Variants in CFAP299 observed in about 807,000 individuals in gnomAD.
CFAP299 encodes cilia- and flagella-associated protein 299.
CFAP299 carries 21 observed loss-of-function variants against 27.0 expected under a neutral mutation model. That is an observed-to-expected ratio of 0.78 (90% confidence interval 0.55 to 1.12). The LOEUF (loss-of-function observed/expected upper bound fraction) is 1.12, where lower values mean the gene tolerates loss of function less well. Among genes scored for constraint, CFAP299 ranks in the 50% most tolerant of loss-of-function variants. The pLI is 0.00. For synonymous variants in CFAP299, 104 were observed against 98.1 expected (o/e 1.06, Z -0.36); for missense variants, 310 against 276.6 (o/e 1.12, Z -0.86).
At chr4:80,756,378 A>G (rs1725240979) in intron 3 of CFAP299, among the ~76,000 whole-genome samples, 1 of 152,278 alleles carries the variant, frequency 6.6e-6, no homozygotes, top group African/African-American at 2.4e-5. Flanking sequence ...GCCACCATCA[A>G]TGAACTTGAA....
At chr4:80,821,751 T>C (rs1187748864) in intron 3 of CFAP299, among the ~76,000 whole-genome samples, 2 of 152,138 alleles carry the variant, frequency 1.3e-5, no homozygotes, top group East Asian at 1.9e-4. Context: ...GGCCTCCCTG[T>C]ACACAGCACA....
chr4:80,513,232 T>C (rs1322728709), intron 2 of CFAP299, among the ~76,000 whole-genome samples: 2 of 152,120 alleles, frequency 1.3e-5, no homozygotes, highest in Non-Finnish European at 2.9e-5. Context: ...GGAATTTCCA[T>C]ATTAAGTGTT....
At chr4:80,613,182 A>G (rs1375324752) in intron 3 of CFAP299, among the ~76,000 whole-genome samples, 2 of 152,104 alleles carry the variant, frequency 1.3e-5, no homozygotes, top group African/African-American at 4.8e-5. Flanking sequence ...CTCAGTGGTA[A>G]ATGTCATAAG....
At chr4:80,799,848 A>G (rs1353063694) in intron 3 of CFAP299, among the ~76,000 whole-genome samples, 2 of 27,578 alleles carry the variant, frequency 7.3e-5, no homozygotes, top group South Asian at 1.3e-3. Context: ...TATATTATAT[A>G]ATATATAAAT....
intron 3 of CFAP299, among the ~76,000 whole-genome samples, chr4:80,712,417 G>A (rs368573546): frequency 7.2e-5 from 11 of 152,282 alleles, no homozygotes; most frequent in African/African-American, 2.6e-4. Context: ...CAGGTTGTAT[G>A]TGATAACATA....
intron 2 of CFAP299, among the ~76,000 whole-genome samples, chr4:80,454,579 G>A (rs904562150): frequency 2.0e-5 from 3 of 152,164 alleles, no homozygotes; most frequent in Non-Finnish European, 4.4e-5. Context: ...TCCTAAATAT[G>A]TAAAGATAAC....
intron 4 of CFAP299, among the ~76,000 whole-genome samples, chr4:80,909,832 A>AT (rs1269497661): frequency 6.6e-6 from 1 of 152,118 alleles, no homozygotes; most frequent in Non-Finnish European, 1.5e-5. Context: ...AAATTTCAGT[A>AT]TTTTTCTGAA....
At chr4:80,393,077 A>G (rs1725578387) in intron 2 of CFAP299, among the ~76,000 whole-genome samples, 1 of 152,176 alleles carries the variant, frequency 6.6e-6, no homozygotes, top group Non-Finnish European at 1.5e-5. Context: ...GACCCTGTGT[A>G]GGCTTAGGCT....
chr4:80,533,936 A>G (rs1323833519), intron 2 of CFAP299, among the ~76,000 whole-genome samples: 1 of 152,142 alleles, frequency 6.6e-6, no homozygotes, highest in East Asian at 1.9e-4. Flanking sequence ...ATAGGTTCAT[A>G]ATATTATGTA....
intron 3 of CFAP299, among the ~76,000 whole-genome samples, chr4:80,769,938 A>G (rs1726114931): frequency 6.6e-6 from 1 of 152,182 alleles, no homozygotes; most frequent in Non-Finnish European, 1.5e-5. Context: ...TAGGCCTGGG[A>G]ATTAATCTCT....
chr4:80,363,913 C>A (rs917566776), intron 2 of CFAP299, among the ~76,000 whole-genome samples: 2 of 151,894 alleles, frequency 1.3e-5, no homozygotes, highest in African/African-American at 2.4e-5. Context: ...ACAGCAAAAC[C>A]CTGTCTCTAC....
intron 3 of CFAP299, among the ~76,000 whole-genome samples, chr4:80,726,139 C>T (rs1323689136): frequency 2.6e-5 from 4 of 151,906 alleles, no homozygotes; most frequent in African/African-American, 7.3e-5. Context: ...TCTCATTGCC[C>T]TTATGAGTTT....
At chr4:80,730,834 A>G (rs1723479528) in intron 3 of CFAP299, among the ~76,000 whole-genome samples, 1 of 152,302 alleles carries the variant, frequency 6.6e-6, no homozygotes, top group South Asian at 2.1e-4. Flanking sequence ...ATTGGCTGCC[A>G]TTAGCTTAAT....
At chr4:80,641,117 T>A (rs1448326133) in intron 3 of CFAP299, among the ~76,000 whole-genome samples, 4 of 152,334 alleles carry the variant, frequency 2.6e-5, no homozygotes, top group African/African-American at 9.6e-5. Flanking sequence ...AATATGTATA[T>A]GCAGATACAA....
intron 2 of CFAP299, among the ~76,000 whole-genome samples, chr4:80,485,081 C>G: frequency 6.6e-6 from 1 of 152,120 alleles, no homozygotes; most frequent in Non-Finnish European, 1.5e-5. Flanking sequence ...GGCTTAACAT[C>G]AGTACGTGGA....
intron 2 of CFAP299, among the ~76,000 whole-genome samples, chr4:80,413,993 C>T (rs981814691): frequency 6.6e-6 from 1 of 151,554 alleles, no homozygotes; most frequent in African/African-American, 2.4e-5. Context: ...TGAATATCAT[C>T]TCTGAAAAGA....
At chr4:80,557,417 A>T (rs1196119464) in intron 2 of CFAP299, among the ~76,000 whole-genome samples, 1 of 152,130 alleles carries the variant, frequency 6.6e-6, no homozygotes, top group Non-Finnish European at 1.5e-5. Context: ...CAGATCCAAG[A>T]GTCAAAGACC....
intron 3 of CFAP299, among the ~76,000 whole-genome samples, chr4:80,806,881 C>G (rs1432517666): frequency 6.6e-6 from 1 of 152,116 alleles, no homozygotes; most frequent in Non-Finnish European, 1.5e-5. Context: ...CCCAGGACAT[C>G]TCTAGTATGT....
At chr4:80,694,273 C>T (rs1312958091) in intron 3 of CFAP299, among the ~76,000 whole-genome samples, 7 of 152,154 alleles carry the variant, frequency 4.6e-5, no homozygotes, top group South Asian at 2.1e-4. Context: ...ACAAGACAGG[C>T]GTTCATCAGC....
Sources: allele counts gnomAD v4.1 joint callset (sites outside exome capture counted in the v4.1 genomes callset), GRCh38; gene constraint gnomAD v4.1.1; transcripts MANE v1.5; gene names NCBI Gene and HGNC (gene_info 2026-07-23, HGNC 2026-07-21).